Variants in CPXM2 observed in about 807,000 individuals in gnomAD.
CPXM2 encodes carboxypeptidase X, M14 family member 2, also known as inactive carboxypeptidase-like protein X2.
CPXM2 carries 66 observed loss-of-function variants against 86.1 expected under a neutral mutation model. That is an observed-to-expected ratio of 0.77 (90% CI 0.63 to 0.94). The LOEUF (loss-of-function observed/expected upper bound fraction) is 0.94, where lower values mean the gene tolerates loss of function less well. CPXM2 is among the 40% of genes least tolerant of loss of function. The pLI is 0.00. For missense variants in CPXM2, 948 were observed against 1,026.3 expected (o/e 0.92, Z 1.04); for synonymous variants, 388 against 400.2 (o/e 0.97, Z 0.36).
chr10:123,912,304 T>C (rs1271271150), intron 2 of CPXM2, among the ~76,000 whole-genome samples: 1 of 1,490 alleles, frequency 6.7e-4, no homozygotes, highest in Non-Finnish European at 1.2e-3. Context: ...GTGCAGATGG[T>C]GGGCGGGGGG....
chr10:123,832,461 G>C (rs1848185356), intron 4 of CPXM2, among the ~76,000 whole-genome samples: 1 of 152,186 alleles, frequency 6.6e-6, no homozygotes, highest in South Asian at 2.1e-4. Context: ...AGGCAAAGTA[G>C]GTGCTGTGGT....
intron 2 of CPXM2, among the ~76,000 whole-genome samples, chr10:123,909,210 G>T (rs544416614): frequency 6.6e-6 from 1 of 152,244 alleles, no homozygotes; most frequent in African/African-American, 2.4e-5. Flanking sequence ...CCACCCTGAG[G>T]TTCAGCGTCC....
chr10:123,862,370 G>C (rs1032464180), intron 3 of CPXM2, among the ~76,000 whole-genome samples: 2 of 152,230 alleles, frequency 1.3e-5, no homozygotes, highest in African/African-American at 4.8e-5. Flanking sequence ...AAAGGTGGAA[G>C]AGGAACAACC....
intron 3 of CPXM2, among the ~76,000 whole-genome samples, chr10:123,857,624 C>CGGCGTGGAGATGGAAGGT (rs1848759394): frequency 4.5e-5 from 5 of 111,934 alleles, no homozygotes; most frequent in Admixed American, 8.7e-5. Context: ...AGATGGAAGG[C>CGGCGTGGAGATGGAAGGT]GGCGTGGAGA....
At chr10:123,803,506 AT>A (rs1004766920) in intron 4 of CPXM2, among the ~76,000 whole-genome samples, 2 of 151,924 alleles carry the variant, frequency 1.3e-5, no homozygotes, top group African/African-American at 4.8e-5. Flanking sequence ...TTTTCAATAA[AT>A]TTTTGCCTAC....
chr10:123,907,943 G>A (rs1050567026), intron 2 of CPXM2, among the ~76,000 whole-genome samples: 2 of 152,104 alleles, frequency 1.3e-5, no homozygotes, highest in Non-Finnish European at 2.9e-5. Context: ...AAGGAAGGGA[G>A]GGGGAGGAAA....
intron 2 of CPXM2, among the ~76,000 whole-genome samples, chr10:123,863,359 C>T (rs1025541031): frequency 6.6e-6 from 1 of 152,208 alleles, no homozygotes; most frequent in South Asian, 2.1e-4. Flanking sequence ...GAGGGGTGCA[C>T]ACAGTGAGTG....
chr10:123,767,750 C>T (rs1239465354), intron 9 of CPXM2, among the ~76,000 whole-genome samples: 1 of 152,148 alleles, frequency 6.6e-6, no homozygotes, highest in Non-Finnish European at 1.5e-5. Context: ...TGTACATATG[C>T]ATATTCTATG....
In CPXM2 at chr10:123,762,248, G is replaced by A. The variant is rs138959932; in HGVS notation, c.1480-79C>T. On this transcript the variant is annotated intron_variant, in intron 10 of 13. Transcript: ENST00000241305. ...CCAGCTGTCAAACAGGGACATAGTC[G>A]AAAAAGCAGTGCTTTTGTGGAATAA... is the stretch of plus-strand genomic sequence containing the variant. The A allele has an allele frequency of 5.5e-5, 86 of 1,577,166 alleles. No individual in the cohort carries two copies. In the African/African-American group the frequency reaches 8.1e-4, roughly 15 times the overall value.
intron 11 of CPXM2, among the ~76,000 whole-genome samples, chr10:123,760,972 GA>G (rs1395809366): frequency 6.6e-6 from 1 of 152,168 alleles, no homozygotes; most frequent in African/African-American, 2.4e-5. Context: ...CAAAAGGAAG[GA>G]AACAAGCAAG....
At chr10:123,841,435 T>C (rs2134152904) in intron 4 of CPXM2, among the ~76,000 whole-genome samples, 1 of 152,378 alleles carries the variant, frequency 6.6e-6, no homozygotes, top group South Asian at 2.1e-4. Flanking sequence ...TCATTCACAT[T>C]GATTTGCAAC....
intron 6 of CPXM2, among the ~76,000 whole-genome samples, chr10:123,790,711 C>T (rs1847186816): frequency 6.6e-6 from 1 of 152,098 alleles, no homozygotes; most frequent in Non-Finnish European, 1.5e-5. Context: ...AGGTCTCCCC[C>T]ATCGTGCCAA....
At position 123,842,505 on chromosome 10, in the gene CPXM2, C is replaced by T. The variant is rs10794571; in HGVS notation, c.514-17G>A. On this transcript the variant is annotated splice_polypyrimidine_tract_variant and intron_variant, in intron 3 of 13. Coordinates refer to ENST00000241305, the MANE Select transcript of CPXM2 (RefSeq NM_198148.3). ...AATGCCCGCCTAGAAAGAAAGAAAGCGGTGTTCTTCAAAAAGACTCTTAAT... is the reference window on the plus strand; with the variant it reads ...AATGCCCGCCTAGAAAGAAAGAAAGTGGTGTTCTTCAAAAAGACTCTTAAT... The T allele has an allele frequency of 0.2, 321,930 of 1,610,512 alleles. 34,755 individuals are homozygous for T. Among genetic ancestry groups the T allele is most frequent in the East Asian group, 0.35 (15,488 of 44,828 alleles).
chr10:123,842,121 C>A (rs1472410226), intron 4 of CPXM2, among the ~76,000 whole-genome samples: 1 of 152,248 alleles, frequency 6.6e-6, no homozygotes, highest in Non-Finnish European at 1.5e-5. Flanking sequence ...ACAGGCAGAT[C>A]TTTCTCTCCA....
intron 4 of CPXM2, among the ~76,000 whole-genome samples, chr10:123,810,250 G>C (rs1263337067): frequency 6.6e-6 from 1 of 151,756 alleles, no homozygotes; most frequent in Admixed American, 6.6e-5. Context: ...TAAGCAAAAA[G>C]TAAAATAAAA....
chr10:123,764,484 T>C (rs1005153361), intron 10 of CPXM2, among the ~76,000 whole-genome samples: 6 of 151,510 alleles, frequency 4.0e-5, no homozygotes, highest in Non-Finnish European at 7.4e-5. Flanking sequence ...TTATTTATTT[T>C]ATGTATTATA....
At chr10:123,884,014 G>T (rs572676492) in intron 1 of CPXM2, among the ~76,000 whole-genome samples, 1 of 152,226 alleles carries the variant, frequency 6.6e-6, no homozygotes, top group South Asian at 2.1e-4. Context: ...GGTCTACAGT[G>T]ATAAATATAA....
chr10:123,942,657 C>T (rs1802086471), upstream of CPXM2, among the ~76,000 whole-genome samples: 1 of 152,186 alleles, frequency 6.6e-6, no homozygotes, highest in East Asian at 1.9e-4. Context: ...ATAATCCACC[C>T]CTTGTTTAAC....
At chr10:123,842,117 A>C (rs1159599363) in intron 4 of CPXM2, among the ~76,000 whole-genome samples, 1 of 152,246 alleles carries the variant, frequency 6.6e-6, no homozygotes, top group Non-Finnish European at 1.5e-5. Context: ...CCTGACAGGC[A>C]GATCTTTCTC....
Sources: allele counts gnomAD v4.1 joint callset (sites outside exome capture counted in the v4.1 genomes callset), GRCh38; gene constraint gnomAD v4.1.1; transcripts MANE v1.5; gene names NCBI Gene and HGNC (gene_info 2026-07-23, HGNC 2026-07-21).